Variants in SHANK2 observed in about 807,000 individuals in gnomAD.
SHANK2 encodes the protein SH3 and multiple ankyrin repeat domains 2.
A neutral mutation model predicts 133.7 loss-of-function variants in SHANK2; 43 were observed. That is an observed-to-expected ratio of 0.32 (90% CI 0.25 to 0.41). The LOEUF is 0.41. SHANK2 is among the 10% of genes least tolerant of loss of function. The pLI, the probability that SHANK2 is intolerant of heterozygous loss-of-function variation, is 1.00. For missense variants in SHANK2, 1,994 were observed against 2,235.8 expected (o/e 0.89, Z 2.18); for synonymous variants, 1,017 against 952.8 (o/e 1.07, Z -1.24).
intron 14 of SHANK2, among the ~76,000 whole-genome samples, chr11:70,777,380 C>T (rs542662414): frequency 3.9e-5 from 6 of 152,080 alleles, no homozygotes; most frequent in African/African-American, 1.2e-4. Context: ...CCCATCCACC[C>T]ACCCATGTAT....
At chr11:71,125,273 T>C (rs1463689060) in intron 3 of SHANK2, among the ~76,000 whole-genome samples, 14 of 152,178 alleles carry the variant, frequency 9.2e-5, no homozygotes, top group East Asian at 1.9e-4. Context: ...AAGGAAGGCA[T>C]GTTGAAAGCT....
chr11:70,847,610 G>A (rs369286559), intron 11 of SHANK2, among the ~76,000 whole-genome samples: 51 of 152,286 alleles, frequency 3.3e-4, no homozygotes, highest in Non-Finnish European at 5.1e-4. Context: ...ATCTCTCTGC[G>A]CTCAGCAGCG....
intron 1 of SHANK2, among the ~76,000 whole-genome samples, chr11:71,230,287 C>G (rs1165601451): frequency 6.6e-6 from 1 of 152,010 alleles, no homozygotes. Flanking sequence ...GAGCAAGACT[C>G]TGCCTTAAAA....
At chr11:70,749,224 G>A (rs1454529753) in intron 14 of SHANK2, among the ~76,000 whole-genome samples, 3 of 152,218 alleles carry the variant, frequency 2.0e-5, no homozygotes, top group African/African-American at 7.2e-5. Context: ...TGAGAGGAGA[G>A]CCCTGGAGGG....
chr11:71,142,006 G>T (rs1174306445), intron 3 of SHANK2, among the ~76,000 whole-genome samples: 1 of 151,850 alleles, frequency 6.6e-6, no homozygotes, highest in African/African-American at 2.4e-5. Context: ...AAGAAGAAAA[G>T]CCCCCGAGAA....
Position 71,147,164 on chromosome 11 carries a change from T to C in SHANK2, c.163A>G (p.Asn55Asp), listed in dbSNP as rs782296061. The change falls in exon 3 of 26, where the codon AAC becomes GAC. Residue 55 changes from asparagine to aspartate, a missense_variant. Asn to Asp is a conservative substitution (Grantham distance 23). Coordinates refer to ENST00000601538, the MANE Select transcript of SHANK2 (RefSeq NM_012309.5). ...GGARTEESQG[N>D]TLVIRVVIHD... ...ATGACCACGCGGATCACCAGCGTGT[T>C]GCCCTGGCTCTCCTCCGTCCTGGCA... is the stretch of plus-strand genomic sequence containing the variant. The C allele has an allele frequency of 1.0e-5, 16 of 1,550,270 alleles. No individual in the cohort carries two copies. The highest frequency in any genetic ancestry group is 1.4e-5 in the Non-Finnish European group (16 of 1,146,936).
intron 11 of SHANK2, among the ~76,000 whole-genome samples, chr11:70,863,072 T>A (rs1048758240): frequency 2.6e-5 from 4 of 152,164 alleles, no homozygotes; most frequent in African/African-American, 9.7e-5. Flanking sequence ...CCATCTTAGA[T>A]GGCAGGGATC....
In SHANK2 at chr11:71,092,434, G is replaced by C; in HGVS notation, c.900C>G (p.His300Gln). The change falls in exon 8 of 26, where the codon CAC becomes CAG. Residue 300 changes from histidine to glutamine, a missense_variant. Physicochemically the swap from His to Gln is conservative, Grantham distance 24 (BLOSUM62 0). Around this residue, in one of 5 missense-constraint regions of SHANK2, gnomAD observed 653 missense variants for 563.4 expected, o/e 1.16. Transcript: ENST00000601538. ...TVCCKDENGW[H>Q]EIHQACRYGH... The stretch of plus-strand genomic sequence containing the variant: ...CGGGCCCACGTACCTGGTGGATCTC[G>C]TGCCAGCCGTTCTCATCTTTGCAGC... The C allele has an allele frequency of 6.4e-7, 1 of 1,551,404 alleles. No individual in the cohort carries two copies. The highest frequency in any genetic ancestry group is 8.7e-7 in the Non-Finnish European group (1 of 1,146,902).
At chr11:70,942,969 GT>G in intron 10 of SHANK2, 1 of 448,864 alleles carries the variant, frequency 2.2e-6, no homozygotes, top group South Asian at 1.6e-5. Context: ...GCACTTTAAA[GT>G]TTAGCTTGGG....
intron 14 of SHANK2, among the ~76,000 whole-genome samples, chr11:70,715,632 G>C (rs181196581): frequency 5.1e-4 from 78 of 152,326 alleles, no homozygotes; most frequent in African/African-American, 1.8e-3. Flanking sequence ...GAGCTCAGTG[G>C]AAGCATGTAT....
At chr11:70,721,811 C>T (rs782689982) in intron 14 of SHANK2, among the ~76,000 whole-genome samples, 2 of 152,238 alleles carry the variant, frequency 1.3e-5, no homozygotes, top group East Asian at 1.9e-4. Context: ...AAACTCTTTT[C>T]GCAAGAAGCA....
At chr11:70,946,465 C>G (rs1196323791) in intron 10 of SHANK2, among the ~76,000 whole-genome samples, 2 of 147,944 alleles carry the variant, frequency 1.4e-5, no homozygotes, top group African/African-American at 5.0e-5. Flanking sequence ...TCTCCACTAA[C>G]CAACTCTTCC....
intron 10 of SHANK2, among the ~76,000 whole-genome samples, chr11:70,929,604 C>T (rs908041157): frequency 5.3e-5 from 8 of 152,166 alleles, no homozygotes; most frequent in African/African-American, 1.4e-4. Context: ...CTCCGACCTC[C>T]GTGCCTGTTG....
intron 25 of SHANK2, among the ~76,000 whole-genome samples, chr11:70,480,166 A>T (rs1050537522): frequency 4.6e-5 from 7 of 152,064 alleles, no homozygotes; most frequent in South Asian, 4.1e-4. Context: ...AGCCCTCCTC[A>T]TCTGGCCATG....
In SHANK2 at chr11:70,879,529, C is replaced by T. The variant is rs116265624; in HGVS notation, c.1174+16972G>A. ...GTGCCGTGGCTGGTCCAAGACCACA[C>T]GGAAAATTCCGGATTGGAACCCTCG... On this transcript the variant is annotated intron_variant, in intron 11 of 25. Transcript: ENST00000601538. Among the ~76,000 whole-genome samples the T allele has an allele frequency of 9.1e-3, 1,380 of 152,296 alleles. 16 individuals carry two copies. The highest frequency in any genetic ancestry group is 0.031 in the African/African-American group (1,271 of 41,564).
chr11:70,715,642 T>TACC (rs1945897803), intron 14 of SHANK2, among the ~76,000 whole-genome samples: 2 of 152,240 alleles, frequency 1.3e-5, no homozygotes, highest in African/African-American at 4.8e-5. Context: ...GAAGCATGTA[T>TACC]ACCAATACAT....
At chr11:71,189,161 AT>A (rs1555114953) in intron 2 of SHANK2, among the ~76,000 whole-genome samples, 1 of 152,120 alleles carries the variant, frequency 6.6e-6, no homozygotes, top group East Asian at 1.9e-4. Context: ...CCAGGTTCTC[AT>A]TCCTGAGGCT....
chr11:71,079,562 C>T (rs970728056), intron 8 of SHANK2, among the ~76,000 whole-genome samples: 22 of 151,782 alleles, frequency 1.4e-4, no homozygotes, highest in African/African-American at 4.1e-4. Flanking sequence ...AGATCGAGAC[C>T]ATCCTGGCTA....
chr11:71,236,335 G>A (rs1028939726), intron 1 of SHANK2, among the ~76,000 whole-genome samples: 1 of 152,224 alleles, frequency 6.6e-6, no homozygotes, highest in Non-Finnish European at 1.5e-5. Context: ...GAGGGCGGGC[G>A]TGGTGGCTCA....
Sources: gnomAD v4.1 joint callset for allele counts (sites outside exome capture counted in the v4.1 genomes callset) on GRCh38, gnomAD v4.1.1 for gene constraint, gnomAD v4.1.1 regional missense constraint, MANE v1.5 for transcripts, NCBI Gene and HGNC (gene_info 2026-07-23, HGNC 2026-07-21) for gene names.